Variants in TYR observed in about 807,000 individuals in gnomAD.
TYR encodes LB24-AB.
In TYR, 58 loss-of-function variants were observed where a neutral mutation model predicts 51.5. That is an observed-to-expected ratio of 1.13 (90% confidence interval 0.91 to 1.40). The LOEUF is 1.40. Ranked by LOEUF, TYR falls within the 40% of genes most tolerant of loss-of-function variation. TYR has a pLI of 0.00. For synonymous variants in TYR, 263 were observed against 235.2 expected (o/e 1.12, Z -1.08); for missense variants, 732 against 647.4 (o/e 1.13, Z -1.42).
At chr11:89,252,116 T>G (rs929075914) in intron 3 of TYR, among the ~76,000 whole-genome samples, 1 of 151,834 alleles carries the variant, frequency 6.6e-6, no homozygotes, top group Non-Finnish European at 1.5e-5. Context: ...GATTTATTTT[T>G]AAGATATTTT....
chr11:89,295,082 A>G, intron 4 of TYR, 61 bp from the exon 5 acceptor site: 2 of 1,596,658 alleles, frequency 1.3e-6, no homozygotes, highest in Non-Finnish European at 8.5e-7. Flanking sequence ...AAGGATGAAG[A>G]TGATGGTGAT....
rs61753181 is a variant in TYR at position 89,178,102 on chromosome 11, C to G, written c.149C>G (p.Ser50Ter). The stretch of plus-strand genomic sequence containing the variant: ...GACAGGAGTCCCTGTGGCCAGCTTT[C>G]AGGCAGAGGTTCCTGTCAGAATATC... ...SGDRSPCGQL[S>*]GRGSCQNILL... The change falls in exon 1 of 5, where the codon TCA (serine) becomes TGA (stop). Residue 50 changes from serine to a stop codon, truncating the protein, a stop_gained. Coordinates refer to ENST00000263321, the MANE Select transcript of TYR (RefSeq NM_000372.5). LOFTEE classifies it high-confidence loss of function. 6.2e-7 allele frequency: 1 copy of G among 1,614,200 alleles called. No individual in the cohort carries two copies.
chr11:89,240,664 A>G (rs945019188), intron 3 of TYR, among the ~76,000 whole-genome samples: 1 of 152,140 alleles, frequency 6.6e-6, no homozygotes, highest in Admixed American at 6.6e-5. Flanking sequence ...CAGTAGTACT[A>G]TCTGTAAAAA....
chr11:89,286,468 G>A (rs530267716), intron 4 of TYR, among the ~76,000 whole-genome samples: 9 of 151,910 alleles, frequency 5.9e-5, no homozygotes, highest in Middle Eastern at 6.8e-3. Context: ...ATTACTCTAT[G>A]AAGTAGGTAT....
chr11:89,228,778 A>T (rs1460794776), intron 3 of TYR, among the ~76,000 whole-genome samples: 1 of 152,130 alleles, frequency 6.6e-6, no homozygotes, highest in Admixed American at 6.6e-5. Flanking sequence ...TTACATTTGT[A>T]ATGTCTTAGA....
At chr11:89,190,690 G>C (rs75388150) in intron 1 of TYR, among the ~76,000 whole-genome samples, 3,449 of 151,886 alleles carry the variant, frequency 0.023, 123 homozygotes, top group African/African-American at 0.077. Context: ...TAGTATCTTA[G>C]GCCTTTATAT....
rs144112481 is a variant in TYR at position 89,215,048 on chromosome 11, T to C, written c.1037-12775T>C. 3.1e-3 allele frequency among the ~76,000 whole-genome samples: 475 copies of C among 152,204 alleles called. 1 individual carries two copies. The highest frequency in any genetic ancestry group is 5.2e-3 in the Non-Finnish European group (355 of 68,004). ...ATGTAACAACGTTCTTAGCACACAATTACTAGATAGACAAGGAACTTGCTA... is the reference window on the plus strand; with the variant it reads ...ATGTAACAACGTTCTTAGCACACAACTACTAGATAGACAAGGAACTTGCTA... On this transcript the variant is annotated intron_variant, in intron 2 of 4. Coordinates refer to ENST00000263321, the MANE Select transcript of TYR (RefSeq NM_000372.5).
chr11:89,252,904 G>A (rs2135300946), intron 3 of TYR, among the ~76,000 whole-genome samples: 1 of 151,778 alleles, frequency 6.6e-6, no homozygotes, highest in South Asian at 2.1e-4. Context: ...ACAGTCATTT[G>A]TTTTTAAAAT....
intron 3 of TYR, among the ~76,000 whole-genome samples, chr11:89,243,158 AG>A (rs1328424736): frequency 6.6e-6 from 1 of 152,202 alleles, no homozygotes; most frequent in African/African-American, 2.4e-5. Context: ...AAAGGAATAC[AG>A]TGCTTTATTG....
At chr11:89,256,463 GTA>G (rs751072117) in intron 3 of TYR, among the ~76,000 whole-genome samples, 131 of 110,978 alleles carry the variant, frequency 1.2e-3, no homozygotes, top group African/African-American at 7.2e-3. Context: ...GTGTACTTGT[GTA>G]TATGTGTGTG....
chr11:89,250,725 A>T (rs543505057), intron 3 of TYR, among the ~76,000 whole-genome samples: 1 of 151,858 alleles, frequency 6.6e-6, no homozygotes, highest in Non-Finnish European at 1.5e-5. Flanking sequence ...TCATATAAAG[A>T]TACCAGTCAT....
intron 3 of TYR, among the ~76,000 whole-genome samples, chr11:89,252,647 G>A (rs377265707): frequency 3.6e-4 from 55 of 151,892 alleles, no homozygotes; most frequent in African/African-American, 1.3e-3. Context: ...ATTAAACAAA[G>A]TACTGATTCA....
intron 3 of TYR, among the ~76,000 whole-genome samples, chr11:89,245,420 TAGA>T (rs1260632523): frequency 2.6e-5 from 4 of 152,292 alleles, no homozygotes; most frequent in Non-Finnish European, 5.9e-5. Flanking sequence ...GGAGGCTTAA[TAGA>T]AGGAAAGTGT....
At chr11:89,185,529 ATG>A (rs1232044028) in intron 1 of TYR, among the ~76,000 whole-genome samples, 4 of 152,186 alleles carry the variant, frequency 2.6e-5, no homozygotes, top group African/African-American at 7.2e-5. Context: ...GTGAAAATAA[ATG>A]TGTCTTCATG....
chr11:89,292,177 C>A (rs1286235660), intron 4 of TYR, among the ~76,000 whole-genome samples: 1 of 151,936 alleles, frequency 6.6e-6, no homozygotes, highest in African/African-American at 2.4e-5. Flanking sequence ...TATATGTCTG[C>A]CCTTCTCATT....
At chr11:89,208,730 G>A (rs1423397985) in intron 2 of TYR, among the ~76,000 whole-genome samples, 1 of 152,052 alleles carries the variant, frequency 6.6e-6, no homozygotes, top group Admixed American at 6.6e-5. Flanking sequence ...CCCTAATTTT[G>A]TAAGTACTTC....
At chr11:89,233,676 C>T (rs143580807) in intron 3 of TYR, among the ~76,000 whole-genome samples, 1 of 142,210 alleles carries the variant, frequency 7.0e-6, no homozygotes, top group Non-Finnish European at 1.5e-5. Flanking sequence ...GTATATCTTC[C>T]TCAGAGATTT....
intron 3 of TYR, among the ~76,000 whole-genome samples, chr11:89,249,303 T>G (rs553980795): frequency 6.6e-6 from 1 of 151,684 alleles, no homozygotes; most frequent in African/African-American, 2.4e-5. Flanking sequence ...GTGAATGAGG[T>G]CACAGAAATT....
chr11:89,257,664 G>A (rs184898850), intron 3 of TYR, among the ~76,000 whole-genome samples: 3 of 152,106 alleles, frequency 2.0e-5, no homozygotes, highest in Admixed American at 1.3e-4. Flanking sequence ...GAAGGACCAG[G>A]AAAGAAAAGA....
Sources: gnomAD v4.1 joint callset for allele counts (sites outside exome capture counted in the v4.1 genomes callset) on GRCh38, gnomAD v4.1.1 for gene constraint, MANE v1.5 for transcripts, NCBI Gene and HGNC (gene_info 2026-07-23, HGNC 2026-07-21) for gene names.